Variants in DISC1 observed in about 807,000 individuals in gnomAD.
DISC1 encodes disrupted in schizophrenia 1 protein.
A neutral mutation model predicts 84.5 loss-of-function variants in DISC1; 57 were observed. The observed-to-expected ratio is 0.67, with a 90% CI of 0.55 to 0.84. DISC1 has a LOEUF of 0.84. Ranked by LOEUF, DISC1 falls within the 40% of genes least tolerant of loss-of-function variation. DISC1 has a pLI of 0.00. For synonymous variants in DISC1, 411 were observed against 415.2 expected, an observed-to-expected ratio of 0.99 and a Z score of 0.12; for missense variants, 1,000 against 1,057.8, an observed-to-expected ratio of 0.95 and a Z score of 0.76.
chr1:231,929,343 C>T (rs200229892), intron 9 of DISC1, among the ~76,000 whole-genome samples: 2 of 152,186 alleles, frequency 1.3e-5, no homozygotes, highest in African/African-American at 4.8e-5. Context: ...TCACCTCCCC[C>T]ACTCCTGACA....
chr1:231,874,302 C>T (rs536677605), intron 9 of DISC1, among the ~76,000 whole-genome samples: 13 of 151,992 alleles, frequency 8.6e-5, no homozygotes, highest in South Asian at 4.2e-4. Context: ...GGACTACAGG[C>T]GCACACCACC....
At chr1:231,800,019 A>G (rs1186488311) in intron 7 of DISC1, 89 bp from the exon 8 acceptor site, 1 of 935,608 alleles carries the variant, frequency 1.1e-6, no homozygotes, top group Admixed American at 1.9e-5. Context: ...AATTACTTAC[A>G]AACCCAGAAA....
At chr1:231,699,380 G>T (rs2066118117) in intron 2 of DISC1, among the ~76,000 whole-genome samples, 1 of 151,960 alleles carries the variant, frequency 6.6e-6, no homozygotes, top group South Asian at 2.1e-4. Flanking sequence ...GAAAATGATG[G>T]CTATAACCTG....
chr1:231,949,527 C>T (rs199944376), intron 9 of DISC1, among the ~76,000 whole-genome samples: 2 of 152,114 alleles, frequency 1.3e-5, no homozygotes, highest in Admixed American at 1.3e-4. Context: ...CTGCCAAATC[C>T]ATTTGGCATA....
intron 6 of DISC1, among the ~76,000 whole-genome samples, chr1:231,774,269 G>C (rs1231945490): frequency 2.6e-5 from 4 of 152,012 alleles, no homozygotes; most frequent in African/African-American, 9.7e-5. Context: ...AAAAAAAAAG[G>C]AATGTAAGGA....
At chr1:231,716,376 G>A (rs1317911361) in intron 3 of DISC1, among the ~76,000 whole-genome samples, 3 of 148,122 alleles carry the variant, frequency 2.0e-5, no homozygotes, top group Non-Finnish European at 4.4e-5. Context: ...ATTAAAACAT[G>A]CAAATTATAA....
Position 231,675,635 on chromosome 1 carries a change from T to C in DISC1, c.68-18191T>C, listed in dbSNP as rs2063068432. Among the ~76,000 whole-genome samples, 1 of 152,120 alleles carries C rather than the reference T, an allele frequency of 6.6e-6. No homozygotes were observed. The highest frequency in any genetic ancestry group is 2.4e-5 in the African/African-American group (1 of 41,432). On this transcript the variant is annotated intron_variant, in intron 1 of 12. Transcript: ENST00000439617. The surrounding 1 kb of genome is among the most constrained non-coding windows in gnomAD (Gnocchi z 4.1). ...TGGGCCGCATCCTTAAAGATGGTGC[T>C]GTGAGGGACAGCCATGGAGGCCCAT...
At chr1:231,901,997 A>G (rs2088217547) in intron 9 of DISC1, among the ~76,000 whole-genome samples, 1 of 152,120 alleles carries the variant, frequency 6.6e-6, no homozygotes, top group African/African-American at 2.4e-5. Context: ...ATGGGATACC[A>G]GTCACTTTGA....
At chr1:231,749,866 G>C in intron 3 of DISC1, 60 bp from the exon 4 acceptor site, 1 of 1,610,810 alleles carries the variant, frequency 6.2e-7, no homozygotes, top group South Asian at 1.1e-5. Context: ...AGACACCGGG[G>C]TTATCTATTT....
At chr1:231,837,292 G>A (rs886348416) in intron 9 of DISC1, among the ~76,000 whole-genome samples, 2 of 152,184 alleles carry the variant, frequency 1.3e-5, no homozygotes, top group African/African-American at 4.8e-5. Context: ...AAACCAGCTC[G>A]TGGCTGTCAC....
chr1:231,772,051 C>T (rs1298600530), intron 6 of DISC1, among the ~76,000 whole-genome samples: 1 of 151,682 alleles, frequency 6.6e-6, no homozygotes, highest in Admixed American at 6.6e-5. Context: ...TGGGCTCAAG[C>T]GATCCTCCCT....
Position 232,000,638 on chromosome 1 carries a change from G to C in DISC1, c.2043-8147G>C, listed in dbSNP as rs188796093. Among the ~76,000 whole-genome samples the C allele has an allele frequency of 9.0e-4, 137 of 152,220 alleles. No homozygotes were observed. In the Middle Eastern group the frequency reaches 0.01, roughly 11 times the overall value. On this transcript the variant is annotated intron_variant, in intron 10 of 12. Coordinates refer to ENST00000439617, the MANE Select transcript of DISC1 (RefSeq NM_018662.3). Reference sequence around the variant, plus strand: ...ATAAATAAAAATAAATCCACACTAAGACACATAAGAATTGAATTTCTGAAA... The same window carrying C: ...ATAAATAAAAATAAATCCACACTAACACACATAAGAATTGAATTTCTGAAA...
At chr1:231,848,789 C>T (rs1402496118) in intron 9 of DISC1, among the ~76,000 whole-genome samples, 1 of 152,190 alleles carries the variant, frequency 6.6e-6, no homozygotes, top group Non-Finnish European at 1.5e-5. Flanking sequence ...TTCCCTGTCC[C>T]TTGCATATTA....
chr1:231,665,234 C>G (rs372930571), intron 1 of DISC1, among the ~76,000 whole-genome samples: 30 of 152,314 alleles, frequency 2.0e-4, no homozygotes, highest in African/African-American at 6.7e-4. Context: ...TGATGCTAAC[C>G]GTCTGCACAT....
chr1:231,836,009 A>G (rs1378235127), intron 9 of DISC1, among the ~76,000 whole-genome samples: 6 of 152,210 alleles, frequency 3.9e-5, no homozygotes, highest in African/African-American at 1.2e-4. Flanking sequence ...AACTGCCGCA[A>G]TTGAGACCTT....
At position 231,845,673 on chromosome 1, in the gene DISC1, C is replaced by T. The variant is rs77631588; in HGVS notation, c.1981+27156C>T. On this transcript the variant is annotated intron_variant, in intron 9 of 12. Coordinates refer to ENST00000439617, the MANE Select transcript of DISC1 (RefSeq NM_018662.3). ...AAGGCAACTGGGTTCGGGAGCCGAA[C>T]GGAGTGGCAGGAAGGTGAGTGAAGT... Among the ~76,000 whole-genome samples the T allele has an allele frequency of 3.3e-4, 50 of 151,910 alleles. 2 individuals carry two copies. In the East Asian group the frequency reaches 9.3e-3, roughly 28 times the overall value.
At chr1:232,006,189 C>T (rs1450508891) in intron 10 of DISC1, among the ~76,000 whole-genome samples, 4 of 152,202 alleles carry the variant, frequency 2.6e-5, no homozygotes, top group African/African-American at 4.8e-5. Flanking sequence ...GTTCATGATC[C>T]ATGTTGAAGA....
chr1:231,656,253 A>T (rs2061054772), intron 1 of DISC1, among the ~76,000 whole-genome samples: 1 of 151,966 alleles, frequency 6.6e-6, no homozygotes, highest in Non-Finnish European at 1.5e-5. Flanking sequence ...TCTTGAGTTG[A>T]TTTTTGTGTA....
At chr1:231,975,076 G>GA (rs1662596945) in intron 10 of DISC1, among the ~76,000 whole-genome samples, 1 of 152,122 alleles carries the variant, frequency 6.6e-6, no homozygotes, top group Non-Finnish European at 1.5e-5. Flanking sequence ...TCCAGGCCTA[G>GA]CAACAGAGAG....
Sources: allele counts gnomAD v4.1 joint callset (sites outside exome capture counted in the v4.1 genomes callset), GRCh38; gene constraint gnomAD v4.1.1; non-coding constraint Gnocchi (gnomAD v3.1); transcripts MANE v1.5; gene names NCBI Gene and HGNC (gene_info 2026-07-23, HGNC 2026-07-21).